The following SCML4 variants were observed in gnomAD, a reference collection of about 807,000 sequenced individuals.
SCML4 encodes the protein sex comb on midleg-like protein 4.
SCML4 carries 34 observed loss-of-function variants against 41.1 expected under a neutral mutation model. That is an observed-to-expected ratio of 0.83 (90% CI 0.63 to 1.10). The LOEUF (loss-of-function observed/expected upper bound fraction) is 1.10. Among genes scored for constraint, SCML4 ranks in the 50% least tolerant of loss-of-function variants. The probability of loss-of-function intolerance (pLI) is 0.00; values close to 1 mark genes in which losing one functional copy is unlikely to be tolerated. For synonymous variants in SCML4, 214 were observed against 220.9 expected (o/e 0.97, Z 0.28); for missense variants, 522 against 534.1 (o/e 0.98, Z 0.22).
At chr6:107,708,049 G>A in intron 6 of SCML4, 38 bp from the exon 7 acceptor site, 2 of 1,544,736 alleles carry the variant, frequency 1.3e-6, no homozygotes, top group Non-Finnish European at 8.7e-7. Context: ...TGAGCCAGTG[G>A]GACAGGGCCT....
At chr6:107,756,703 C>T (rs538380942) in intron 2 of SCML4, among the ~76,000 whole-genome samples, 6 of 152,022 alleles carry the variant, frequency 3.9e-5, no homozygotes, top group Admixed American at 2.0e-4. Flanking sequence ...AAATCAGGTG[C>T]GGGGTACGTG....
chr6:107,803,013 C>T (rs1408317569), intron 1 of SCML4, among the ~76,000 whole-genome samples: 6 of 151,694 alleles, frequency 4.0e-5, no homozygotes, highest in African/African-American at 1.2e-4. Flanking sequence ...CCCGAGGTGC[C>T]GGGATGGCAG....
At chr6:107,812,614 G>A (rs912471970) in intron 1 of SCML4, among the ~76,000 whole-genome samples, 1 of 152,264 alleles carries the variant, frequency 6.6e-6, no homozygotes, top group Non-Finnish European at 1.5e-5. Flanking sequence ...TCGAAGGCCT[G>A]AAAAGAACAA....
chr6:107,713,623 T>C (rs1446136653), intron 6 of SCML4, among the ~76,000 whole-genome samples: 1 of 152,258 alleles, frequency 6.6e-6, no homozygotes, highest in East Asian at 1.9e-4. Flanking sequence ...ATCAAGAGAA[T>C]GTGTCTCAGG....
chr6:107,760,421 C>T (rs1470968982), intron 2 of SCML4, among the ~76,000 whole-genome samples: 1 of 152,170 alleles, frequency 6.6e-6, no homozygotes, highest in East Asian at 1.9e-4. Flanking sequence ...TCTCCCACCC[C>T]TACCTGGCTA....
chr6:107,749,752 G>T lies in SCML4; in HGVS notation c.218C>A (p.Pro73His). The T allele has an allele frequency of 6.2e-7, 1 of 1,614,062 alleles. No individual in the cohort carries two copies. The highest frequency in any genetic ancestry group is 8.5e-7 in the Non-Finnish European group (1 of 1,179,988). ...GTCCTGAGGGATGGAGCTGAGGTCG[G>T]GCTCTGGGGTACTCCGCGGAGGTGA... Reference protein sequence around the residue: ...ALSPPRSTPEPDLSSIPQDAA... With the variant: ...ALSPPRSTPEHDLSSIPQDAA... Residue 73 changes from proline to histidine, a missense_variant, in exon 3 of 8, where the codon CCC becomes CAC. Coordinates refer to ENST00000369020, the MANE Select transcript of SCML4 (RefSeq NM_198081.5).
intron 5 of SCML4, chr6:107,732,023 G>A (rs1776608626): frequency 2.0e-5 from 3 of 152,270 alleles, no homozygotes. Flanking sequence ...CTGTCCTCTG[G>A]GGGACCGCCG....
rs147857103 is a variant in SCML4, at chr6:107,809,897, G to A, written c.-60+14229C>T. On this transcript the variant is annotated intron_variant, in intron 1 of 7. Transcript: ENST00000369020. ...CTGTAATCCCAGCACTTTGGGAGACGGAGGTGGGAGGATTGCCTATTTTTC... is the reference window on the plus strand; with the variant it reads ...CTGTAATCCCAGCACTTTGGGAGACAGAGGTGGGAGGATTGCCTATTTTTC... Among the ~76,000 whole-genome samples, 9 of 152,264 alleles carry A rather than the reference G, an allele frequency of 5.9e-5. No individual in the cohort carries two copies. In the East Asian group the frequency reaches 9.7e-4, roughly 16 times the overall value.
At chr6:107,812,427 C>G (rs1442515757) in intron 1 of SCML4, among the ~76,000 whole-genome samples, 1 of 152,184 alleles carries the variant, frequency 6.6e-6, no homozygotes, top group African/African-American at 2.4e-5. Context: ...TGTCCGATAC[C>G]TCCTCTGATG....
chr6:107,773,612 A>G (rs891383777), intron 1 of SCML4, among the ~76,000 whole-genome samples: 3 of 146,872 alleles, frequency 2.0e-5, no homozygotes, highest in Non-Finnish European at 4.5e-5. Flanking sequence ...AAAAAAAAAA[A>G]GAATAAGCTT....
chr6:107,765,468 G>C (rs1371932319), intron 2 of SCML4, among the ~76,000 whole-genome samples: 2 of 152,118 alleles, frequency 1.3e-5, no homozygotes, highest in Non-Finnish European at 2.9e-5. Flanking sequence ...TTGCGCCATT[G>C]CACTCCAGCC....
At chr6:107,758,625 T>C (rs914350504) in intron 2 of SCML4, among the ~76,000 whole-genome samples, 1 of 152,180 alleles carries the variant, frequency 6.6e-6, no homozygotes, top group African/African-American at 2.4e-5. Context: ...AAAAACTTGA[T>C]ACAGGCACAG....
chr6:107,796,643 T>C (rs562528124), intron 1 of SCML4, among the ~76,000 whole-genome samples: 225 of 152,326 alleles, frequency 1.5e-3, no homozygotes, highest in African/African-American at 5.3e-3. Context: ...GTTTTAAATG[T>C]TTGAAGTTCA....
chr6:107,754,084 G>T (rs1257684793), intron 2 of SCML4, among the ~76,000 whole-genome samples: 2 of 152,174 alleles, frequency 1.3e-5, no homozygotes, highest in African/African-American at 4.8e-5. Flanking sequence ...CACTGAGGGG[G>T]CACTGGGATG....
the SCML4 span, among the ~76,000 whole-genome samples, chr6:107,831,956 G>C: frequency 6.6e-6 from 1 of 152,000 alleles, no homozygotes; most frequent in Non-Finnish European, 1.5e-5. Flanking sequence ...CTAGCTACTC[G>C]GGAGGCTGAG....
intron 5 of SCML4, among the ~76,000 whole-genome samples, chr6:107,733,508 G>T (rs974993058): frequency 3.9e-5 from 6 of 152,186 alleles, no homozygotes; most frequent in Non-Finnish European, 7.3e-5. Flanking sequence ...GGTTTCCTAA[G>T]CTGCTTCAGC....
At chr6:107,768,721 G>A (rs1047258209) in intron 2 of SCML4, among the ~76,000 whole-genome samples, 3 of 152,046 alleles carry the variant, frequency 2.0e-5, no homozygotes, top group African/African-American at 4.8e-5. Flanking sequence ...AGCCTCAAAC[G>A]TAAAAGTATT....
chr6:107,734,418 C>T (rs1481706882), intron 5 of SCML4, among the ~76,000 whole-genome samples: 1 of 152,182 alleles, frequency 6.6e-6, no homozygotes, highest in Non-Finnish European at 1.5e-5. Flanking sequence ...TTGGAACATT[C>T]ATTCATTGGT....
rs907056259 is a variant in SCML4 at position 107,702,744 on chromosome 6, A to G, written c.*2456T>C. ...CTTAAAATCTTGAAGACTCTGCCCC[A>G]AGGCCTGATTCAAGGTACTTTTCTC... On this transcript the variant is annotated 3_prime_UTR_variant, in exon 8 of 8. Transcript: ENST00000369020. 2.0e-5 allele frequency among the ~76,000 whole-genome samples: 3 copies of G among 152,214 alleles called. No individual in the cohort carries two copies. Among genetic ancestry groups the G allele is most frequent in the African/African-American group, 7.2e-5 (3 of 41,456 alleles).
Sources: gnomAD v4.1 joint callset for allele counts (sites outside exome capture counted in the v4.1 genomes callset) on GRCh38, gnomAD v4.1.1 for gene constraint, MANE v1.5 for transcripts, NCBI Gene and HGNC (gene_info 2026-07-23, HGNC 2026-07-21) for gene names.